MARCHF8: variants seen among roughly 807,000 people sequenced by gnomAD.
MARCHF8 encodes the protein membrane associated ring-CH-type finger 8.
In MARCHF8, 40 loss-of-function variants were observed where a neutral mutation model predicts 51.6. The ratio of observed to expected loss-of-function variants is 0.77; its 90% CI spans 0.60 to 1.01. MARCHF8 has a LOEUF of 1.01. Among genes scored for constraint, MARCHF8 ranks in the 50% least tolerant of loss-of-function variants. The pLI, the probability that MARCHF8 is intolerant of heterozygous loss-of-function variation, is 0.00. For synonymous variants in MARCHF8, 263 were observed against 280.3 expected, an observed-to-expected ratio of 0.94 and a Z score of 0.62; for missense variants, 685 against 708.6, an observed-to-expected ratio of 0.97 and a Z score of 0.38.
chr10:45,502,931 AAAT>A (rs145587600), intron 2 of MARCHF8, among the ~76,000 whole-genome samples: 10 of 151,908 alleles, frequency 6.6e-5, no homozygotes, highest in South Asian at 2.1e-4. Context: ...GGCTGAAAGC[AAAT>A]AATAATAATA....
At chr10:45,552,071 G>C (rs901292113) in intron 1 of MARCHF8, among the ~76,000 whole-genome samples, 4 of 152,120 alleles carry the variant, frequency 2.6e-5, no homozygotes, top group Non-Finnish European at 1.5e-5. Flanking sequence ...GTTCCATACA[G>C]AGCAGGGGTA....
intron 3 of MARCHF8, among the ~76,000 whole-genome samples, chr10:45,476,106 G>A (rs2042782420): frequency 6.6e-6 from 1 of 152,134 alleles, no homozygotes; most frequent in African/African-American, 2.4e-5. Context: ...AAAACTAGAA[G>A]AGACTGTTAC....
chr10:45,490,312 C>G (rs1015709003), intron 2 of MARCHF8, among the ~76,000 whole-genome samples: 32 of 152,170 alleles, frequency 2.1e-4, no homozygotes, highest in African/African-American at 6.0e-4. Context: ...TACATGAGGT[C>G]AATAGTAGTC....
chr10:45,584,614 C>G (rs985506907), intron 1 of MARCHF8, among the ~76,000 whole-genome samples: 9 of 152,014 alleles, frequency 5.9e-5, no homozygotes, highest in Non-Finnish European at 1.2e-4. Flanking sequence ...AAAGATAGTC[C>G]TCCAAGATTC....
chr10:45,565,959 G>T (rs1195661065), intron 1 of MARCHF8, among the ~76,000 whole-genome samples: 1 of 152,166 alleles, frequency 6.6e-6, no homozygotes. Context: ...TCTTGTCTGA[G>T]TGAAGCTTAT....
At chr10:45,557,094 T>C (rs1036056184) in intron 1 of MARCHF8, among the ~76,000 whole-genome samples, 20 of 150,482 alleles carry the variant, frequency 1.3e-4, no homozygotes, top group Admixed American at 1.1e-3. Context: ...CTATACCCAT[T>C]GAACAACAAA....
intron 1 of MARCHF8, among the ~76,000 whole-genome samples, chr10:45,581,090 C>T (rs1394881371): frequency 1.3e-5 from 2 of 152,128 alleles, no homozygotes; most frequent in Non-Finnish European, 2.9e-5. Flanking sequence ...AGAGGACCAG[C>T]TGAGCGGTAT....
intron 2 of MARCHF8, among the ~76,000 whole-genome samples, chr10:45,514,458 C>G (rs547513228): frequency 6.6e-6 from 1 of 152,404 alleles, no homozygotes; most frequent in Admixed American, 6.5e-5. Flanking sequence ...CACCCTACAG[C>G]TGCCAGCAGC....
intron 6 of MARCHF8, among the ~76,000 whole-genome samples, chr10:45,460,574 C>G (rs1842754596): frequency 6.6e-6 from 1 of 152,166 alleles, no homozygotes; most frequent in African/African-American, 2.4e-5. Context: ...CCAGACAAAA[C>G]CTTTTGTGCT....
At chr10:45,545,091 A>G (rs550384568) in intron 1 of MARCHF8, among the ~76,000 whole-genome samples, 3 of 152,304 alleles carry the variant, frequency 2.0e-5, no homozygotes, top group Admixed American at 2.0e-4. Context: ...GAAATTCCAC[A>G]TTCATAGTTC....
At chr10:45,462,180 AG>A (rs1401166295) in intron 5 of MARCHF8, 1 of 152,258 alleles carries the variant, frequency 6.6e-6, no homozygotes, top group Non-Finnish European at 1.5e-5. Context: ...TGTTTTAGTG[AG>A]GGGATCTCTG....
At chr10:45,552,031 C>T (rs1191631221) in intron 1 of MARCHF8, among the ~76,000 whole-genome samples, 2 of 152,066 alleles carry the variant, frequency 1.3e-5, no homozygotes, top group African/African-American at 2.4e-5. Flanking sequence ...GTCTTCTGTA[C>T]CATCATGTTT....
chr10:45,522,556 G>A (rs1015379355), intron 2 of MARCHF8, among the ~76,000 whole-genome samples: 8 of 152,110 alleles, frequency 5.3e-5, no homozygotes, highest in East Asian at 3.8e-4. Context: ...TGCTAATTAC[G>A]TACACAGCTA....
At chr10:45,511,456 G>A (rs144303183) in intron 2 of MARCHF8, among the ~76,000 whole-genome samples, 13 of 152,116 alleles carry the variant, frequency 8.5e-5, no homozygotes, top group African/African-American at 2.7e-4. Context: ...CTCTGATGCC[G>A]AGCCGAAGCT....
chr10:45,504,995 T>C (rs894372210), intron 2 of MARCHF8, among the ~76,000 whole-genome samples: 1 of 152,200 alleles, frequency 6.6e-6, no homozygotes, highest in African/African-American at 2.4e-5. Context: ...TTCATTTTAT[T>C]GCTCATTTCG....
chr10:45,579,839 C>A (rs1406718064), intron 1 of MARCHF8, among the ~76,000 whole-genome samples: 1 of 151,754 alleles, frequency 6.6e-6, no homozygotes, highest in African/African-American at 2.4e-5. Context: ...CATGGTGAAA[C>A]CCTGTCTCTA....
intron 1 of MARCHF8, among the ~76,000 whole-genome samples, chr10:45,544,417 C>T (rs1564511263): frequency 6.6e-6 from 1 of 152,182 alleles, no homozygotes; most frequent in African/African-American, 2.4e-5. Context: ...AAGACACATA[C>T]ATGAATGTGC....
At chr10:45,555,793 G>C (rs942093770) in intron 1 of MARCHF8, among the ~76,000 whole-genome samples, 1 of 151,340 alleles carries the variant, frequency 6.6e-6, no homozygotes, top group Admixed American at 6.6e-5. Context: ...TGTTTATAAT[G>C]ATACTTTTTA....
chr10:45,516,721 G>A lies in MARCHF8; in HGVS notation c.102+16389C>T, dbSNP rs532473167. The stretch of plus-strand genomic sequence containing the variant: ...GGAGGTTGCAGTGAGCTGAGACTGC[G>A]CCACTGTGCTCCAGCCTGGGTAACA... On this transcript the variant is annotated intron_variant, in intron 2 of 7. Transcript: ENST00000453424. Among the ~76,000 whole-genome samples the A allele has an allele frequency of 1.2e-4, 19 of 152,180 alleles. No individual in the cohort carries two copies. In the East Asian group the frequency reaches 2.1e-3, roughly 17 times the overall value.
Sources: gnomAD v4.1 joint callset for allele counts (sites outside exome capture counted in the v4.1 genomes callset) on GRCh38, gnomAD v4.1.1 for gene constraint, MANE v1.5 for transcripts, NCBI Gene and HGNC (gene_info 2026-07-23, HGNC 2026-07-21) for gene names.